Variants in ANK1 observed in about 807,000 individuals in gnomAD.
The protein encoded by ANK1 is ankyrin-1.
Under a neutral mutation model 210.4 loss-of-function variants are expected in ANK1, and 51 were observed. That is an observed-to-expected ratio of 0.24 (90% confidence interval 0.19 to 0.31). The LOEUF (loss-of-function observed/expected upper bound fraction) is 0.31, where lower values mean the gene tolerates loss of function less well. Ranked by LOEUF, ANK1 falls within the 10% of genes least tolerant of loss-of-function variation. ANK1 has a pLI of 1.00. For synonymous variants in ANK1, 967 were observed against 1,025.9 expected (o/e 0.94, Z 1.10); for missense variants, 2,051 against 2,504.4 (o/e 0.82, Z 3.86).
chr8:41,836,498 G>A (rs547878003), intron 1 of ANK1, among the ~76,000 whole-genome samples: 1 of 152,330 alleles, frequency 6.6e-6, no homozygotes, highest in South Asian at 2.1e-4. Context: ...CCAGCAATGT[G>A]GCCGGGCTCC....
At chr8:41,708,009 C>T (rs778171392) in intron 17 of ANK1, among the ~76,000 whole-genome samples, 8 of 151,970 alleles carry the variant, frequency 5.3e-5, no homozygotes, top group Admixed American at 1.3e-4. Flanking sequence ...TGTGAGGGAC[C>T]GGGGGCTCTG....
intron 1 of ANK1, among the ~76,000 whole-genome samples, chr8:41,894,194 G>A (rs762113945): frequency 5.3e-5 from 8 of 151,952 alleles, no homozygotes; most frequent in Admixed American, 6.5e-5. Context: ...AAGAGTATGC[G>A]TCACTGCTAT....
intron 42 of ANK1, among the ~76,000 whole-genome samples, chr8:41,660,247 ATTGG>A: frequency 6.6e-6 from 1 of 152,074 alleles, no homozygotes; most frequent in Admixed American, 6.5e-5. Flanking sequence ...GCTGAGATAT[ATTGG>A]GAAGCCCAGA....
chr8:41,836,546 C>A (rs540069930), intron 1 of ANK1, among the ~76,000 whole-genome samples: 78 of 152,326 alleles, frequency 5.1e-4, no homozygotes, highest in Middle Eastern at 3.4e-3. Context: ...GGCTCCTAGA[C>A]CAAGTTCCAT....
chr8:41,657,563 G>A (rs986612566), intron 42 of ANK1, among the ~76,000 whole-genome samples: 2 of 152,196 alleles, frequency 1.3e-5, no homozygotes, highest in South Asian at 2.1e-4. Context: ...TGCTCCCCAC[G>A]GTGCCTGCCC....
chr8:41,703,448 A>T (rs868333237), intron 20 of ANK1, among the ~76,000 whole-genome samples: 2,443 of 59,976 alleles, frequency 0.041, 105 homozygotes, highest in African/African-American at 0.1. Context: ...ATATATATAT[A>T]TATTTTTTTT....
At position 41,672,931 on chromosome 8, in the gene ANK1, G is replaced by T. The variant is rs1812890232; in HGVS notation, c.4538-19C>A. ...GAGTAACCTGGATGGGCAGACAGAGGGCAACATGCTCCAGCAGTGATTCCT... is the reference window on the plus strand; with the variant it reads ...GAGTAACCTGGATGGGCAGACAGAGTGCAACATGCTCCAGCAGTGATTCCT... On this transcript the variant is annotated intron_variant, in intron 37 of 42. Transcript: ENST00000289734. The T allele has an allele frequency of 3.1e-6, 5 of 1,587,654 alleles. No individual in the cohort carries two copies. The highest frequency in any genetic ancestry group is 3.4e-6 in the Non-Finnish European group (4 of 1,172,604).
At chr8:41,683,225 G>T (rs574231417) in intron 37 of ANK1, among the ~76,000 whole-genome samples, 7 of 152,310 alleles carry the variant, frequency 4.6e-5, no homozygotes, top group African/African-American at 1.4e-4. Flanking sequence ...TGCCGAAATG[G>T]GGACAGTGGA....
At chr8:41,685,053 C>T (rs1586061784) in intron 36 of ANK1, among the ~76,000 whole-genome samples, 1 of 152,258 alleles carries the variant, frequency 6.6e-6, no homozygotes, top group South Asian at 2.1e-4. Flanking sequence ...CTCAGCCTCC[C>T]GAGTAGCTGG....
chr8:41,820,537 G>A (rs1804080259), intron 1 of ANK1, among the ~76,000 whole-genome samples: 1 of 151,974 alleles, frequency 6.6e-6, no homozygotes, highest in Admixed American at 6.5e-5. Flanking sequence ...ACAGATCCAG[G>A]AGCCTAATTT....
intron 1 of ANK1, among the ~76,000 whole-genome samples, chr8:41,882,942 C>T (rs1817837880): frequency 6.6e-6 from 1 of 152,198 alleles, no homozygotes; most frequent in African/African-American, 2.4e-5. Context: ...CCCTGCATTC[C>T]CTGTTCACCT....
rs540775995 is a variant in ANK1, at chr8:41,732,554, A to G, written c.228+1417T>C. On this transcript the variant is annotated intron_variant, in intron 3 of 42. Transcript: ENST00000289734. ...CAGCTTCCCGAGTAGCTGGGATTACAGGCCTGTGCCACCACGACTGGCTGA... is the reference window on the plus strand; with the variant it reads ...CAGCTTCCCGAGTAGCTGGGATTACGGGCCTGTGCCACCACGACTGGCTGA... Among the ~76,000 whole-genome samples, 185 of 152,020 alleles carry G rather than the reference A, an allele frequency of 1.2e-3. 1 individual carries two copies. The highest frequency in any genetic ancestry group is 4.3e-3 in the African/African-American group (180 of 41,478).
chr8:41,703,022 T>C (rs111366452), intron 20 of ANK1, among the ~76,000 whole-genome samples: 5,414 of 152,054 alleles, frequency 0.036, 172 homozygotes, highest in African/African-American at 0.089. Flanking sequence ...GACAGGGTTT[T>C]GCCCTGGAGT....
At chr8:41,723,451 C>A (rs1586463255) in intron 8 of ANK1, 84 bp downstream of exon 8, 11 of 1,509,322 alleles carry the variant, frequency 7.3e-6, no homozygotes, top group Non-Finnish European at 1.0e-5. Context: ...CTAACTAGGT[C>A]ACCAAGGGCC....
At position 41,704,840 on chromosome 8, in the gene ANK1, TGA is replaced by T. The variant is rs1358367444; in HGVS notation, c.2098-370_2098-369del. On this transcript the variant is annotated intron_variant, in intron 18 of 42. Transcript: ENST00000289734. This position sits in a 1 kb window ranked among gnomAD's most constrained non-coding sequence, Gnocchi z 4.1. ...GAGGCAGAAAAGAGGAGGGAAACCT[TGA>T]GAGACCAGCATCACAGAATCCCAGG... 6.6e-5 allele frequency among the ~76,000 whole-genome samples: 10 copies of T among 152,006 alleles called. No homozygotes were observed. The highest frequency in any genetic ancestry group is 4.4e-5 in the Non-Finnish European group (3 of 67,988).
At chr8:41,744,126 A>G (rs1305218821) in intron 2 of ANK1, among the ~76,000 whole-genome samples, 1 of 152,214 alleles carries the variant, frequency 6.6e-6, no homozygotes, top group Non-Finnish European at 1.5e-5. Context: ...CCCAGCTTAG[A>G]CTTGACCATT....
chr8:41,751,954 C>T (rs1047432956), intron 2 of ANK1, among the ~76,000 whole-genome samples: 4 of 152,126 alleles, frequency 2.6e-5, no homozygotes, highest in African/African-American at 9.7e-5. Context: ...CCTTCCCTTC[C>T]ATCACTCAAC....
At chr8:41,861,231 A>T (rs1199349202) in intron 1 of ANK1, among the ~76,000 whole-genome samples, 2 of 152,182 alleles carry the variant, frequency 1.3e-5, no homozygotes, top group South Asian at 2.1e-4. Flanking sequence ...GGGGTCGCTG[A>T]TGAGCATGTT....
Position 41,704,329 on chromosome 8 carries a change from T to C in ANK1, c.2196+45A>G, listed in dbSNP as rs765679968. On this transcript the variant is annotated intron_variant, in intron 19 of 42. Transcript: ENST00000289734. The surrounding 1 kb of genome is among the most constrained non-coding windows in gnomAD (Gnocchi z 4.1). ...GCTCTGGCTTTACCCTGATGTGGCA[T>C]GGAGAAGGGTCAGTGCAGGAGTCGG... 2.7e-5 allele frequency: 43 copies of C among 1,565,100 alleles called. No homozygotes were observed. The highest frequency in any genetic ancestry group is 1.7e-4 in the Middle Eastern group (1 of 5,856).
Sources: allele counts gnomAD v4.1 joint callset (sites outside exome capture counted in the v4.1 genomes callset), GRCh38; gene constraint gnomAD v4.1.1; non-coding constraint Gnocchi (gnomAD v3.1); transcripts MANE v1.5; gene names NCBI Gene and HGNC (gene_info 2026-07-23, HGNC 2026-07-21).